The following ATP1B1 variants were observed in gnomAD, a reference collection of about 807,000 sequenced individuals.
ATP1B1 encodes sodium/potassium-transporting ATPase subunit beta-1.
A neutral mutation model predicts 39.6 loss-of-function variants in ATP1B1; 3 were observed. The observed-to-expected ratio is 0.08, with a 90% CI of 0.03 to 0.20. The LOEUF (loss-of-function observed/expected upper bound fraction) is 0.20. Ranked by LOEUF, ATP1B1 falls within the 10% of genes least tolerant of loss-of-function variation. The pLI is 1.00. For missense variants in ATP1B1, 216 were observed against 371.1 expected, an observed-to-expected ratio of 0.58 and a Z score of 3.43; for synonymous variants, 139 against 135.0, an observed-to-expected ratio of 1.03 and a Z score of -0.20.
intron 3 of ATP1B1, 123 bp from the exon 4 acceptor site, chr1:169,127,101 T>C (rs558791046): frequency 1.1e-5 from 11 of 997,728 alleles, no homozygotes; most frequent in Admixed American, 3.7e-5. Context: ...ATTCAGATCA[T>C]GCATTAAATG....
rs1658255929 is a variant in ATP1B1 at position 169,132,382 on chromosome 1, T to C, written c.*827T>C. The C allele has an allele frequency of 1.1e-5, 5 of 461,344 alleles. No individual in the cohort carries two copies. Among genetic ancestry groups the C allele is most frequent in the Non-Finnish European group, 2.0e-5 (5 of 255,988 alleles). The allele number at this position is 461,344 out of a possible 1,614,324, so 28.6% of individuals were successfully genotyped here. On this transcript the variant is annotated 3_prime_UTR_variant, in exon 6 of 6. Transcript: ENST00000367815. ...ATACATTTTCTTTTACTTTCCTTTT[T>C]TCCTTTCTGGAGGCATCACATGCTG...
At chr1:169,130,318 A>T (rs1388906310) in intron 5 of ATP1B1, among the ~76,000 whole-genome samples, 2 of 152,238 alleles carry the variant, frequency 1.3e-5, no homozygotes, top group Non-Finnish European at 2.9e-5. Context: ...CTCCACTGGC[A>T]TAAGAAACTC....
intron 1 of ATP1B1, 145 bp from the exon 2 acceptor site, chr1:169,111,221 TGGGG>T: frequency 3.9e-6 from 4 of 1,025,890 alleles, no homozygotes; most frequent in Non-Finnish European, 5.6e-6. Flanking sequence ...CCTGTGTCAG[TGGGG>T]TGAGGTGCAC....
rs944601431 is a variant in ATP1B1, at chr1:169,106,732, G to C, written c.-98G>C. The C allele has an allele frequency of 4.1e-6, 4 of 968,124 alleles. No individual in the cohort carries two copies. The highest frequency in any genetic ancestry group is 5.9e-6 in the Non-Finnish European group (4 of 682,842). The allele number at this position is 968,124 out of a possible 1,614,324, so 60.0% of individuals were successfully genotyped here. The stretch of plus-strand genomic sequence containing the variant: ...GGCAGCGGCGCGTCCTGCCTGCAGA[G>C]AGCCAGGCCGGAGAAGCCGAGCGGC... On this transcript the variant is annotated 5_prime_UTR_variant, in exon 1 of 6. Coordinates refer to ENST00000367815, the MANE Select transcript of ATP1B1 (RefSeq NM_001677.4).
chr1:169,113,000 G>A (rs1475583618), intron 2 of ATP1B1, among the ~76,000 whole-genome samples: 4 of 152,050 alleles, frequency 2.6e-5, no homozygotes, highest in Admixed American at 6.5e-5. Flanking sequence ...TAATTGGTGC[G>A]GATATTTTGT....
Position 169,127,213 on chromosome 1 carries a change from TTTA to T in ATP1B1, c.383-8_383-6del. On this transcript the variant is annotated splice_polypyrimidine_tract_variant and splice_region_variant and intron_variant, in intron 3 of 5. Coordinates refer to ENST00000367815, the MANE Select transcript of ATP1B1 (RefSeq NM_001677.4). The stretch of plus-strand genomic sequence containing the variant: ...GCTGGTACAATATAAAAGTTGTGTT[TTTA>T]TTTTTAGATGTGCCCAGTGAACCGA... 1 of 1,560,360 alleles carries T rather than the reference TTTA, an allele frequency of 6.4e-7. No individual in the cohort carries two copies. The highest frequency in any genetic ancestry group is 2.3e-5 in the East Asian group (1 of 43,476).
At chr1:169,129,867 AT>A in intron 4 of ATP1B1, 142 bp from the exon 5 acceptor site, 1 of 660,652 alleles carries the variant, frequency 1.5e-6, no homozygotes, top group Admixed American at 3.1e-5. Flanking sequence ...GGAGTCATTC[AT>A]TCTGCTGTCC....
chr1:169,116,050 C>T (rs1038369615), intron 2 of ATP1B1, among the ~76,000 whole-genome samples: 20 of 152,262 alleles, frequency 1.3e-4, no homozygotes, highest in African/African-American at 4.6e-4. Context: ...CAGGCACGCA[C>T]ACCCACGTGC....
Position 169,131,606 on chromosome 1 carries a change from A to T in ATP1B1, c.*51A>T. 1 of 1,554,840 alleles carries T rather than the reference A, an allele frequency of 6.4e-7. No homozygotes were observed. Among genetic ancestry groups the T allele is most frequent in the Non-Finnish European group, 8.7e-7 (1 of 1,154,760 alleles). On this transcript the variant is annotated 3_prime_UTR_variant, in exon 6 of 6. Coordinates refer to ENST00000367815, the MANE Select transcript of ATP1B1 (RefSeq NM_001677.4). The surrounding 1 kb of genome is among the most constrained non-coding windows in gnomAD (Gnocchi z 4.4). ...GCCATTTAATAAGTTAAAAAAAGAT[A>T]CAAAAACAAAAACCTACTAGTCTTG...
chr1:169,118,329 C>T (rs73033753), intron 2 of ATP1B1, among the ~76,000 whole-genome samples: 5 of 152,258 alleles, frequency 3.3e-5, no homozygotes, highest in African/African-American at 1.2e-4. Flanking sequence ...TCCGGGGATT[C>T]AGTTTTCTAA....
At chr1:169,108,999 G>A (rs1337463357) in intron 1 of ATP1B1, among the ~76,000 whole-genome samples, 1 of 152,240 alleles carries the variant, frequency 6.6e-6, no homozygotes, top group African/African-American at 2.4e-5. Context: ...CAACATGGAT[G>A]CCCTTGGGGC....
chr1:169,130,102 T>C lies in ATP1B1; in HGVS notation c.648+12T>C. 6.2e-7 allele frequency: 1 copy of C among 1,612,450 alleles called. No individual in the cohort carries two copies. The highest frequency in any genetic ancestry group is 8.5e-7 in the Non-Finnish European group (1 of 1,178,916). On this transcript the variant is annotated intron_variant, in intron 5 of 5. Coordinates refer to ENST00000367815, the MANE Select transcript of ATP1B1 (RefSeq NM_001677.4). ...AGTGCACTGGCAAGGTAAAGACAAA[T>C]TTAGGGTTACTGGGGTGGTGGAAGG... is the stretch of plus-strand genomic sequence containing the variant.
rs34447553 is a variant in ATP1B1, at chr1:169,132,019, A to AT, written c.*486dup. Reference sequence around the variant, plus strand: ...CAACGGGAATAAAACTGGCATGGTAATTTTTTTTTTTTTTTTTTTTTTGTT... The same window carrying AT: ...CAACGGGAATAAAACTGGCATGGTAATTTTTTTTTTTTTTTTTTTTTTTGTT... On this transcript the variant is annotated 3_prime_UTR_variant, in exon 6 of 6. Transcript: ENST00000367815. The AT allele has an allele frequency of 0.41, 77,536 of 191,168 alleles. 19,870 individuals are homozygous for AT. Among genetic ancestry groups the AT allele is most frequent in the Admixed American group, 0.45 (6,441 of 14,194 alleles). The allele number at this position is 191,168 out of a possible 1,614,324, so 11.8% of individuals were successfully genotyped here.
At chr1:169,129,248 C>T (rs890678069) in intron 4 of ATP1B1, among the ~76,000 whole-genome samples, 8 of 152,202 alleles carry the variant, frequency 5.3e-5, no homozygotes, top group Admixed American at 5.2e-4. Context: ...TCAAGACTCA[C>T]TTGCTGTGCT....
At position 169,131,127 on chromosome 1, in the gene ATP1B1, CTCT is replaced by C. The variant is rs750539448; in HGVS notation, c.649-160_649-158del. Among the ~76,000 whole-genome samples, 1 of 152,272 alleles carries C rather than the reference CTCT, an allele frequency of 6.6e-6. No homozygotes were observed. Among genetic ancestry groups the C allele is most frequent in the Non-Finnish European group, 1.5e-5 (1 of 68,012 alleles). On this transcript the variant is annotated intron_variant, in intron 5 of 5. Transcript: ENST00000367815. The surrounding 1 kb of genome is among the most constrained non-coding windows in gnomAD (Gnocchi z 4.4). ...CATCCATTTGCACATTGAGAATAGT[CTCT>C]TCTTATGACCATTTCTCAAGGCTGC...
rs538581539 is a variant in ATP1B1 at position 169,132,075 on chromosome 1, G to A, written c.*520G>A. On this transcript the variant is annotated 3_prime_UTR_variant, in exon 6 of 6. Transcript: ENST00000367815. ...GCTCTTTCAAAGGTAATGGCCCATC[G>A]ATGAGCATTTTTAACATACTCCATA... 4 of 301,844 alleles carry A rather than the reference G, an allele frequency of 1.3e-5. No homozygotes were observed. Among genetic ancestry groups the A allele is most frequent in the South Asian group, 8.4e-5 (3 of 35,782 alleles). 18.7% of individuals were successfully genotyped at this position (301,844 alleles called of 1,614,324 possible).
intron 2 of ATP1B1, among the ~76,000 whole-genome samples, chr1:169,120,703 A>G (rs1221568057): frequency 6.6e-6 from 1 of 152,184 alleles, no homozygotes; most frequent in African/African-American, 2.4e-5. Context: ...CAAAGTAATT[A>G]TAAACTTGAC....
At chr1:169,107,188 A>G (rs1215223529) in intron 1 of ATP1B1, among the ~76,000 whole-genome samples, 1 of 152,064 alleles carries the variant, frequency 6.6e-6, no homozygotes, top group Non-Finnish European at 1.5e-5. Context: ...TGGCTTGGTA[A>G]TTTGCAGTCT....
chr1:169,131,613 C>A lies in ATP1B1; in HGVS notation c.*58C>A. 1 of 1,546,754 alleles carries A rather than the reference C, an allele frequency of 6.5e-7. No homozygotes were observed. Among genetic ancestry groups the A allele is most frequent in the Admixed American group, 2.0e-5 (1 of 49,556 alleles). ...AATAAGTTAAAAAAAGATACAAAAA[C>A]AAAAACCTACTAGTCTTGAACAAAC... is the stretch of plus-strand genomic sequence containing the variant. On this transcript the variant is annotated 3_prime_UTR_variant, in exon 6 of 6. Coordinates refer to ENST00000367815, the MANE Select transcript of ATP1B1 (RefSeq NM_001677.4). The surrounding 1 kb of genome is among the most constrained non-coding windows in gnomAD (Gnocchi z 4.4).
Sources: allele counts gnomAD v4.1 joint callset (sites outside exome capture counted in the v4.1 genomes callset), GRCh38; gene constraint gnomAD v4.1.1; non-coding constraint Gnocchi (gnomAD v3.1); transcripts MANE v1.5; gene names NCBI Gene and HGNC (gene_info 2026-07-23, HGNC 2026-07-21).